Variants in GABRR3 observed in about 807,000 individuals in gnomAD.
GABRR3 encodes the protein gamma-aminobutyric acid type A receptor subunit rho3.
GABRR3 carries 29 observed loss-of-function variants against 43.2 expected under a neutral mutation model. That is an observed-to-expected ratio of 0.67 (90% CI 0.50 to 0.92). The LOEUF (loss-of-function observed/expected upper bound fraction) is 0.92, where lower values mean the gene tolerates loss of function less well. Ranked by LOEUF, GABRR3 falls within the 40% of genes least tolerant of loss-of-function variation. The pLI is 0.00. For missense variants in GABRR3, 576 were observed against 572.3 expected (o/e 1.01, Z -0.07); for synonymous variants, 206 against 195.9 (o/e 1.05, Z -0.43).
chr3:98,012,992 T>G (rs1339784691), intron 4 of GABRR3, among the ~76,000 whole-genome samples: 1 of 152,246 alleles, frequency 6.6e-6, no homozygotes, highest in African/African-American at 2.4e-5. Flanking sequence ...ACTCATGTTA[T>G]TTTTGTTAAA....
intron 8 of GABRR3, among the ~76,000 whole-genome samples, chr3:97,996,115 T>C (rs538578761): frequency 1.3e-5 from 2 of 152,306 alleles, no homozygotes; most frequent in South Asian, 2.1e-4. Context: ...TTGACTGATA[T>C]GATAGCAGTA....
chr3:98,029,528 A>T (rs574760244), intron 2 of GABRR3, among the ~76,000 whole-genome samples: 1 of 152,248 alleles, frequency 6.6e-6, no homozygotes, highest in South Asian at 2.1e-4. Flanking sequence ...AAGTGGAATG[A>T]TAAAAAATCA....
At chr3:97,986,746 A>G (rs773659107) in exon 10 of GABRR3, 16 of 1,594,376 alleles carry the variant, frequency 1.0e-5, no homozygotes, top group Non-Finnish European at 1.4e-5. Context: ...ATAAAATCCT[A>G]GAATAGGTGT....
At chr3:98,016,358 C>T (rs1055434626) in intron 4 of GABRR3, among the ~76,000 whole-genome samples, 4 of 152,090 alleles carry the variant, frequency 2.6e-5, no homozygotes, top group Non-Finnish European at 5.9e-5. Flanking sequence ...GTTGAAAGAA[C>T]CTAGTACCTC....
chr3:98,008,652 T>C (rs553068315), intron 6 of GABRR3, among the ~76,000 whole-genome samples: 1 of 152,308 alleles, frequency 6.6e-6, no homozygotes, highest in African/African-American at 2.4e-5. Context: ...TGTCAGTCTA[T>C]GTAACAACAG....
rs776611208 is a variant in GABRR3, at chr3:98,007,935, G to C, written c.614-31C>G. On this transcript the variant is annotated intron_variant, in intron 6 of 9. Coordinates refer to ENST00000621172, the Ensembl canonical transcript of GABRR3. ...ACATGAAAATATCAGTCTTGTAAGT[G>C]TAATAAGCTCTTGTAAGCTCAATGA... The C allele has an allele frequency of 6.6e-6, 10 of 1,523,870 alleles. No homozygotes were observed. In the Admixed American group the frequency reaches 8.9e-5, roughly 14 times the overall value. 94.4% of individuals were successfully genotyped at this position (1,523,870 alleles called of 1,614,324 possible). A position where few individuals can be genotyped will look rare whatever the true frequency, so the allele number is the denominator to read the frequency against.
rs138944046 is a variant in GABRR3 at position 98,009,776 on chromosome 3, G to A, written c.531-738C>T. ...ACAAAGGCAACAGATGCTCCTACCT[G>A]TGGTGCCCTTGAGTTAACCAGAGGA... On this transcript the variant is annotated intron_variant, in intron 5 of 9. Coordinates refer to ENST00000621172, the Ensembl canonical transcript of GABRR3. Among the ~76,000 whole-genome samples, 50 of 152,318 alleles carry A rather than the reference G, an allele frequency of 3.3e-4. No homozygotes were observed. In the East Asian group the frequency reaches 8.7e-3, roughly 26 times the overall value.
intron 4 of GABRR3, among the ~76,000 whole-genome samples, chr3:98,012,886 G>A (rs1429580531): frequency 2.0e-5 from 3 of 152,196 alleles, no homozygotes; most frequent in Non-Finnish European, 4.4e-5. Flanking sequence ...GATTTCAGAA[G>A]AAAGGAACCT....
chr3:97,993,416 C>G (rs1468531470), intron 8 of GABRR3, among the ~76,000 whole-genome samples: 2 of 152,136 alleles, frequency 1.3e-5, no homozygotes, highest in Non-Finnish European at 2.9e-5. Context: ...TTTCCTCTAA[C>G]CTTTCCCATT....
chr3:98,001,605 A>G lies in GABRR3; in HGVS notation c.907+10T>C. On this transcript the variant is annotated intron_variant, in intron 8 of 9. Coordinates refer to ENST00000621172, the Ensembl canonical transcript of GABRR3. ...ATGTTAACATTTTATAAAGATGGGG[A>G]AAGATTTACCCAGGGAAACTCTTGC... 6.2e-7 allele frequency: 1 copy of G among 1,612,452 alleles called. No individual in the cohort carries two copies. The highest frequency in any genetic ancestry group is 1.3e-5 in the African/African-American group (1 of 74,946).
exon 6 of GABRR3, chr3:98,008,980 T>G: frequency 6.2e-7 from 1 of 1,606,774 alleles, no homozygotes; most frequent in Non-Finnish European, 8.5e-7. Context: ...AGAGAACAAT[T>G]TTGAGTGTCA....
chr3:98,027,280 T>A (rs1042709736), intron 2 of GABRR3, among the ~76,000 whole-genome samples: 2 of 152,166 alleles, frequency 1.3e-5, no homozygotes, highest in Admixed American at 1.3e-4. Flanking sequence ...TTTCAATAGG[T>A]TTGGGGTATG....
At chr3:98,015,755 GAC>G (rs1187738714) in intron 4 of GABRR3, among the ~76,000 whole-genome samples, 1 of 152,160 alleles carries the variant, frequency 6.6e-6, no homozygotes, top group Non-Finnish European at 1.5e-5. Context: ...TAAATATAAA[GAC>G]ACATAGCCAT....
chr3:98,017,829 AAAG>A (rs1706890281), intron 3 of GABRR3, 107 bp from the exon 4 acceptor site: 3 of 746,706 alleles, frequency 4.0e-6, no homozygotes, highest in Non-Finnish European at 4.3e-6. Context: ...AATTACTGTT[AAAG>A]TTTTTTTAAA....
At chr3:98,034,692 A>G (rs1707129708) in intron 2 of GABRR3, 171 bp downstream of exon 2, 1 of 302,754 alleles carries the variant, frequency 3.3e-6, no homozygotes, top group Non-Finnish European at 4.9e-6. Flanking sequence ...GCTCTTTCGG[A>G]TGTCAAACAG....
At chr3:98,029,840 G>A (rs532938436) in intron 2 of GABRR3, among the ~76,000 whole-genome samples, 1 of 152,066 alleles carries the variant, frequency 6.6e-6, no homozygotes, top group East Asian at 1.9e-4. Context: ...ATGAGGCCAG[G>A]TGCGATGGCT....
intron 2 of GABRR3, among the ~76,000 whole-genome samples, chr3:98,027,240 T>C (rs1707028806): frequency 6.6e-6 from 1 of 151,592 alleles, no homozygotes; most frequent in African/African-American, 2.4e-5. Flanking sequence ...CAAATTATGC[T>C]CTGTTTGGGC....
intron 5 of GABRR3, 46 bp from the exon 6 acceptor site, chr3:98,009,084 C>T (rs781213678): frequency 1.9e-5 from 24 of 1,247,224 alleles, no homozygotes; most frequent in Non-Finnish European, 2.8e-5. Context: ...ATTTAACCAT[C>T]TGGCCAAATG....
At chr3:97,987,118 A>AT (rs5851090) in intron 9 of GABRR3, 136 bp from the exon 10 acceptor site, 159,971 of 633,846 alleles carry the variant, frequency 0.25, 21,545 homozygotes, top group African/African-American at 0.35. Context: ...TTTTCAACTT[A>AT]TTTTTTTCTT....
Sources: allele counts gnomAD v4.1 joint callset (sites outside exome capture counted in the v4.1 genomes callset), GRCh38; gene constraint gnomAD v4.1.1; transcripts MANE v1.5; gene names NCBI Gene and HGNC (gene_info 2026-07-23, HGNC 2026-07-21).